Variants in PRKN observed in about 807,000 individuals in gnomAD.
PRKN encodes the protein parkin RBR E3 ubiquitin protein ligase, also known as E3 ubiquitin-protein ligase parkin.
PRKN carries 56 observed loss-of-function variants against 59.5 expected under a neutral mutation model. That is an observed-to-expected ratio of 0.94 (90% CI 0.76 to 1.18). PRKN has a LOEUF of 1.18. Ranked by LOEUF, PRKN falls within the 50% of genes most tolerant of loss-of-function variation. The probability of loss-of-function intolerance (pLI) is 0.00; values close to 1 mark genes in which losing one functional copy is unlikely to be tolerated. For synonymous variants in PRKN, 250 were observed against 222.1 expected (o/e 1.13, Z -1.12); for missense variants, 657 against 596.4 (o/e 1.10, Z -1.06).
chr6:162,427,808 G>A (rs1333676797), intron 2 of PRKN, among the ~76,000 whole-genome samples: 1 of 151,972 alleles, frequency 6.6e-6, no homozygotes. Context: ...ACCACGCCCA[G>A]CTAATGTTTT....
chr6:161,569,447 G>T, intron 7 of PRKN, 31 bp from the exon 8 acceptor site: 1 of 1,576,398 alleles, frequency 6.3e-7, no homozygotes, highest in Non-Finnish European at 8.7e-7. Flanking sequence ...TCACAAAAAC[G>T]TCACTTTCAC....
intron 7 of PRKN, among the ~76,000 whole-genome samples, chr6:161,754,639 G>T (rs1179214621): frequency 6.6e-6 from 1 of 152,156 alleles, no homozygotes; most frequent in Non-Finnish European, 1.5e-5. Context: ...GGCCCTGCAG[G>T]TGCTGGGGGC....
At chr6:162,072,173 A>G (rs73032222) in intron 4 of PRKN, among the ~76,000 whole-genome samples, 20,583 of 152,032 alleles carry the variant, frequency 0.14, 1,568 homozygotes, top group African/African-American at 0.19. Context: ...CTGTAATCCC[A>G]GTTGCTTGGG....
chr6:162,722,818 T>C lies in PRKN; in HGVS notation c.7+4844A>G, dbSNP rs1385804382. 4.6e-5 allele frequency among the ~76,000 whole-genome samples: 7 copies of C among 152,212 alleles called. No homozygotes were observed. In the South Asian group the frequency reaches 1.5e-3, roughly 32 times the overall value. On this transcript the variant is annotated intron_variant, in intron 1 of 11. Coordinates refer to ENST00000366898, the MANE Select transcript of PRKN (RefSeq NM_004562.3). ...AAAAATGCAGACTTCAAAAACATCCTCAGAAATAGGGCCAAAATTGTAAAG... is the reference window on the plus strand; with the variant it reads ...AAAAATGCAGACTTCAAAAACATCCCCAGAAATAGGGCCAAAATTGTAAAG...
intron 7 of PRKN, among the ~76,000 whole-genome samples, chr6:161,604,725 A>C (rs902252344): frequency 7.8e-4 from 119 of 152,284 alleles, no homozygotes; most frequent in African/African-American, 2.8e-3. Flanking sequence ...ACTTGAGAAC[A>C]GGAGTTCGAG....
intron 2 of PRKN, among the ~76,000 whole-genome samples, chr6:162,299,866 T>C (rs868295632): frequency 6.6e-6 from 1 of 152,072 alleles, no homozygotes; most frequent in Non-Finnish European, 1.5e-5. Context: ...TAGACCAAAA[T>C]GACATAAAAT....
chr6:162,079,304 C>G (rs529768102), intron 4 of PRKN, among the ~76,000 whole-genome samples: 5 of 152,172 alleles, frequency 3.3e-5, no homozygotes, highest in Non-Finnish European at 5.9e-5. Flanking sequence ...ACAGAATAGG[C>G]AGATACTCCG....
rs138935622 is a variant in PRKN at position 162,157,180 on chromosome 6, C to T, written c.534+43951G>A. On this transcript the variant is annotated intron_variant, in intron 4 of 11. Coordinates refer to ENST00000366898, the MANE Select transcript of PRKN (RefSeq NM_004562.3). ...GGATTACCTTCCTACTCTTTTTAGT[C>T]TATTCTCTTCTCCTCTGCCTCTTCC... 5.0e-4 allele frequency among the ~76,000 whole-genome samples: 76 copies of T among 151,794 alleles called. 1 individual carries two copies. Among genetic ancestry groups the T allele is most frequent in the African/African-American group, 1.7e-3 (71 of 41,418 alleles).
chr6:161,601,772 C>T (rs184037580), intron 7 of PRKN, among the ~76,000 whole-genome samples: 3,906 of 151,960 alleles, frequency 0.026, 69 homozygotes, highest in Middle Eastern at 0.048. Flanking sequence ...TTAGTAGAGA[C>T]GGGGTTTCAC....
chr6:161,635,416 C>T (rs1367166582), intron 7 of PRKN, among the ~76,000 whole-genome samples: 1 of 152,104 alleles, frequency 6.6e-6, no homozygotes, highest in East Asian at 1.9e-4. Context: ...TGACAGATGG[C>T]CCACAGTGAA....
intron 2 of PRKN, among the ~76,000 whole-genome samples, chr6:162,299,085 C>T (rs886285563): frequency 6.6e-6 from 1 of 152,210 alleles, no homozygotes; most frequent in Non-Finnish European, 1.5e-5. Context: ...CAAAGGGTTG[C>T]TCTTGGGGAA....
chr6:162,427,177 T>A (rs1789275890), intron 2 of PRKN, among the ~76,000 whole-genome samples: 3 of 152,172 alleles, frequency 2.0e-5, no homozygotes, highest in African/African-American at 7.2e-5. Flanking sequence ...AGGCTCAAAA[T>A]TTAAAAGTCT....
intron 5 of PRKN, among the ~76,000 whole-genome samples, chr6:162,010,874 A>T (rs1468664224): frequency 1.5e-4 from 1 of 6,542 alleles, no homozygotes; most frequent in Non-Finnish European, 1.8e-4. Context: ...TATATTATAA[A>T]ATATATTATA....
intron 7 of PRKN, among the ~76,000 whole-genome samples, chr6:161,670,802 G>A (rs1784880909): frequency 6.9e-6 from 1 of 144,096 alleles, no homozygotes; most frequent in East Asian, 2.1e-4. Context: ...GCAACAGAGC[G>A]AGACTCTGTC....
At chr6:162,174,022 G>A (rs565293361) in intron 4 of PRKN, among the ~76,000 whole-genome samples, 5 of 152,220 alleles carry the variant, frequency 3.3e-5, no homozygotes, top group East Asian at 1.9e-4. Flanking sequence ...TGCTCTATGC[G>A]TAATCTTTGT....
chr6:161,764,158 T>C (rs553172555), intron 7 of PRKN, among the ~76,000 whole-genome samples: 1 of 152,318 alleles, frequency 6.6e-6, no homozygotes, highest in East Asian at 1.9e-4. Flanking sequence ...CCTCAAGTTG[T>C]TCCTTTCTTC....
intron 1 of PRKN, among the ~76,000 whole-genome samples, chr6:162,577,183 A>T (rs559342439): frequency 3.3e-5 from 5 of 152,310 alleles, no homozygotes; most frequent in Admixed American, 2.6e-4. Flanking sequence ...TATGAAAAAG[A>T]TAAATACCCC....
intron 4 of PRKN, among the ~76,000 whole-genome samples, chr6:162,099,166 A>G (rs1386357913): frequency 1.3e-5 from 2 of 152,176 alleles, no homozygotes; most frequent in African/African-American, 4.8e-5. Flanking sequence ...CTTTAAATTC[A>G]GCTTGAGGTT....
At chr6:161,727,474 G>A (rs1787491419) in intron 7 of PRKN, among the ~76,000 whole-genome samples, 1 of 152,186 alleles carries the variant, frequency 6.6e-6, no homozygotes, top group South Asian at 2.1e-4. Context: ...TGTAATGGAA[G>A]CAGCCTCAAA....
Sources: allele counts gnomAD v4.1 joint callset (sites outside exome capture counted in the v4.1 genomes callset), GRCh38; gene constraint gnomAD v4.1.1; transcripts MANE v1.5; gene names NCBI Gene and HGNC (gene_info 2026-07-23, HGNC 2026-07-21).